The following LAMA2 variants were observed in gnomAD, a reference collection of about 807,000 sequenced individuals.
LAMA2 encodes the protein laminin subunit alpha 2.
Under a neutral mutation model 364.8 loss-of-function variants are expected in LAMA2, and 269 were observed. That is an observed-to-expected ratio of 0.74 (90% CI 0.67 to 0.82). LAMA2 has a LOEUF of 0.82. Ranked by LOEUF, LAMA2 falls within the 40% of genes least tolerant of loss-of-function variation. The pLI, the probability that LAMA2 is intolerant of heterozygous loss-of-function variation, is 0.00. For missense variants in LAMA2, 3,807 were observed against 3,873.2 expected, an observed-to-expected ratio of 0.98 and a Z score of 0.45; for synonymous variants, 1,379 against 1,370.6, an observed-to-expected ratio of 1.01 and a Z score of -0.14.
At chr6:129,219,362 C>G (rs1415498484) in intron 12 of LAMA2, among the ~76,000 whole-genome samples, 1 of 151,802 alleles carries the variant, frequency 6.6e-6, no homozygotes, top group Non-Finnish European at 1.5e-5. Context: ...AATAGGAACA[C>G]TTTTACACTG....
intron 3 of LAMA2, among the ~76,000 whole-genome samples, chr6:129,092,093 C>T (rs113232066): frequency 2.6e-5 from 4 of 152,284 alleles, no homozygotes; most frequent in African/African-American, 7.2e-5. Context: ...AGACCTACCT[C>T]GGTGAGGTTC....
intron 9 of LAMA2, among the ~76,000 whole-genome samples, chr6:129,175,884 C>A (rs1780556586): frequency 6.6e-6 from 1 of 151,940 alleles, no homozygotes; most frequent in African/African-American, 2.4e-5. Context: ...TGTGGTAGTT[C>A]TTTGATAATT....
chr6:129,296,106 AT>A (rs556715832), intron 20 of LAMA2, among the ~76,000 whole-genome samples: 256 of 152,040 alleles, frequency 1.7e-3, no homozygotes, highest in Non-Finnish European at 2.9e-3. Context: ...CAGGATTTTA[AT>A]TCTTGCATAT....
chr6:129,448,328 G>A (rs369038468), intron 45 of LAMA2, among the ~76,000 whole-genome samples: 44 of 152,168 alleles, frequency 2.9e-4, no homozygotes, highest in Middle Eastern at 6.8e-3. Context: ...CAAAAGTAAC[G>A]TTAAGAAAAA....
intron 8 of LAMA2, among the ~76,000 whole-genome samples, chr6:129,160,211 A>G (rs559346846): frequency 2.6e-5 from 4 of 152,244 alleles, no homozygotes; most frequent in Non-Finnish European, 4.4e-5. Flanking sequence ...TTCCTAGTGA[A>G]ACTATCTGAG....
intron 58 of LAMA2, among the ~76,000 whole-genome samples, chr6:129,498,440 G>A (rs977514565): frequency 1.3e-5 from 2 of 152,196 alleles, no homozygotes; most frequent in Non-Finnish European, 2.9e-5. Context: ...AGGAATCCTT[G>A]TTTAGACATT....
intron 4 of LAMA2, among the ~76,000 whole-genome samples, chr6:129,123,859 A>G (rs1776954055): frequency 6.6e-6 from 1 of 152,130 alleles, no homozygotes; most frequent in Non-Finnish European, 1.5e-5. Context: ...TATGCTTGAA[A>G]TTTTCCTAAC....
Position 129,147,115 on chromosome 6 carries a change from T to G in LAMA2, c.909+67T>G, listed in dbSNP as rs939504650. Reference sequence around the variant, plus strand: ...AGCTGTAAAATGTTTCATGACAGTCTTTGCTGACAGAGAACGCTGTAAATG... The same window carrying G: ...AGCTGTAAAATGTTTCATGACAGTCGTTGCTGACAGAGAACGCTGTAAATG... On this transcript the variant is annotated intron_variant, in intron 6 of 64. Transcript: ENST00000421865. 27 of 1,010,156 alleles carry G rather than the reference T, an allele frequency of 2.7e-5. No homozygotes were observed. In the East Asian group the frequency reaches 3.1e-4, roughly 12 times the overall value. The allele number at this position is 1,010,156 out of a possible 1,614,324, so 62.6% of individuals were successfully genotyped here. A position where few individuals can be genotyped will look rare whatever the true frequency, so the allele number is the denominator to read the frequency against.
chr6:129,144,212 G>GATT (rs543824838), intron 5 of LAMA2, 132 bp downstream of exon 5: 46 of 622,866 alleles, frequency 7.4e-5, no homozygotes, highest in African/African-American at 9.4e-5. Flanking sequence ...TAGAATTGTA[G>GATT]ATTATTATTA....
chr6:128,997,180 T>C (rs528143501), intron 1 of LAMA2, among the ~76,000 whole-genome samples: 39 of 152,108 alleles, frequency 2.6e-4, no homozygotes, highest in African/African-American at 8.9e-4. Flanking sequence ...AAATACCTAA[T>C]GTAGATGATG....
intron 1 of LAMA2, among the ~76,000 whole-genome samples, chr6:129,033,895 G>T (rs1317870027): frequency 2.0e-5 from 3 of 147,228 alleles, no homozygotes; most frequent in South Asian, 2.1e-4. Context: ...CCAGCTATGG[G>T]TTTTTTTTTT....
At position 129,252,061 on chromosome 6, in the gene LAMA2, ATTTCT is replaced by A; in HGVS notation, c.1885-19_1885-15del. ...CCTCTTTTCAGTTTTACTCTTTTTT[ATTTCT>A]TTTTTTTCCCCCTTTAGGGTAATGA... On this transcript the variant is annotated intron_variant, in intron 13 of 64. Transcript: ENST00000421865. The A allele has an allele frequency of 1.3e-6, 2 of 1,555,084 alleles. No homozygotes were observed. The highest frequency in any genetic ancestry group is 1.8e-6 in the Non-Finnish European group (2 of 1,128,504).
chr6:128,934,763 C>T (rs2114525057), intron 1 of LAMA2, among the ~76,000 whole-genome samples: 1 of 152,294 alleles, frequency 6.6e-6, no homozygotes, highest in East Asian at 1.9e-4. Flanking sequence ...CCCACCTCAG[C>T]CTCCCAAAGT....
chr6:129,338,260 A>G (rs2114558138), intron 29 of LAMA2, among the ~76,000 whole-genome samples: 1 of 152,344 alleles, frequency 6.6e-6, no homozygotes, highest in East Asian at 1.9e-4. Context: ...TGCAAAAGCA[A>G]AAGGCTGAAA....
At chr6:129,375,408 G>C (rs1487561835) in intron 34 of LAMA2, among the ~76,000 whole-genome samples, 1 of 152,068 alleles carries the variant, frequency 6.6e-6, no homozygotes, top group Non-Finnish European at 1.5e-5. Flanking sequence ...TTGGAGACAA[G>C]TCTGTATTTA....
chr6:129,069,441 AT>A (rs1289347327), intron 3 of LAMA2, among the ~76,000 whole-genome samples: 7 of 148,434 alleles, frequency 4.7e-5, no homozygotes, highest in African/African-American at 1.2e-4. Context: ...AAAATAAGGA[AT>A]TAAAAACAAT....
At position 129,288,067 on chromosome 6, in the gene LAMA2, T is replaced by C. The variant is rs1390249438; in HGVS notation, c.2749+9T>C. 6.2e-7 allele frequency: 1 copy of C among 1,609,206 alleles called. No homozygotes were observed. The highest frequency in any genetic ancestry group is 8.5e-7 in the Non-Finnish European group (1 of 1,175,584). On this transcript the variant is annotated intron_variant, in intron 19 of 64. Transcript: ENST00000421865. ...TGCGAAGAACTGTCAGCGTAAGTCC[T>C]GAACTATTGATGCCCCTGACAGAAT...
At chr6:128,994,215 G>T (rs1783780716) in intron 1 of LAMA2, among the ~76,000 whole-genome samples, 1 of 152,324 alleles carries the variant, frequency 6.6e-6, no homozygotes, top group Admixed American at 6.5e-5. Context: ...CTTCAAGGAG[G>T]ATTTGAAGTA....
chr6:129,485,670 G>A (rs1382996552), intron 55 of LAMA2, among the ~76,000 whole-genome samples: 1 of 152,166 alleles, frequency 6.6e-6, no homozygotes, highest in Non-Finnish European at 1.5e-5. Flanking sequence ...CAGATGGTGA[G>A]CACTTATCCA....
Sources: allele counts gnomAD v4.1 joint callset (sites outside exome capture counted in the v4.1 genomes callset), GRCh38; gene constraint gnomAD v4.1.1; transcripts MANE v1.5; gene names NCBI Gene and HGNC (gene_info 2026-07-23, HGNC 2026-07-21).